Variants in RBFOX1 observed in about 807,000 individuals in gnomAD.
RBFOX1 encodes RNA binding fox-1 homolog 1.
A neutral mutation model predicts 57.7 loss-of-function variants in RBFOX1; 8 were observed. The observed-to-expected ratio is 0.14, with a 90% CI of 0.08 to 0.25. RBFOX1 has a LOEUF of 0.25. Among genes scored for constraint, RBFOX1 ranks in the 10% least tolerant of loss-of-function variants. RBFOX1 has a pLI of 1.00. For synonymous variants in RBFOX1, 326 were observed against 222.4 expected (o/e 1.47, Z -4.15); for missense variants, 611 against 548.5 (o/e 1.11, Z -1.14).
At chr16:6,676,675 T>C (rs2057761008) in intron 3 of RBFOX1, among the ~76,000 whole-genome samples, 3 of 53,536 alleles carry the variant, frequency 5.6e-5, no homozygotes, top group African/African-American at 1.3e-4. Flanking sequence ...TTTCTTTTCT[T>C]TTTTTTTTTT....
intron 4 of RBFOX1, among the ~76,000 whole-genome samples, chr16:7,297,868 TG>T (rs2095932290): frequency 6.6e-6 from 1 of 152,218 alleles, no homozygotes; most frequent in African/African-American, 2.4e-5. Flanking sequence ...AAGCATTTAT[TG>T]GATTGATTTA....
intron 3 of RBFOX1, among the ~76,000 whole-genome samples, chr16:6,695,601 T>TA (rs1455307565): frequency 6.6e-6 from 1 of 152,158 alleles, no homozygotes; most frequent in East Asian, 1.9e-4. Context: ...GCACTCTCAA[T>TA]ATATTTTCAC....
intron 3 of RBFOX1, among the ~76,000 whole-genome samples, chr16:5,622,394 G>A (rs1390949902): frequency 6.6e-6 from 1 of 152,202 alleles, no homozygotes; most frequent in Non-Finnish European, 1.5e-5. Flanking sequence ...AAGGAGTCTT[G>A]TGCACTGCCC....
At chr16:6,674,217 A>G (rs1568157402) in intron 3 of RBFOX1, among the ~76,000 whole-genome samples, 1 of 152,154 alleles carries the variant, frequency 6.6e-6, no homozygotes, top group Non-Finnish European at 1.5e-5. Flanking sequence ...GTGAATGTAA[A>G]TTTATTTAGA....
At chr16:6,061,690 T>C (rs1420883160) in intron 1 of RBFOX1, among the ~76,000 whole-genome samples, 2 of 152,114 alleles carry the variant, frequency 1.3e-5, no homozygotes, top group African/African-American at 4.8e-5. Context: ...GTACATAGAT[T>C]TAAGATATAC....
intron 4 of RBFOX1, among the ~76,000 whole-genome samples, chr16:7,238,303 T>C (rs1489628691): frequency 6.6e-6 from 1 of 151,520 alleles, no homozygotes; most frequent in Non-Finnish European, 1.5e-5. Flanking sequence ...TACTTAACAC[T>C]ACTCAACTGC....
intron 4 of RBFOX1, among the ~76,000 whole-genome samples, chr16:7,110,299 T>C (rs2064467910): frequency 6.6e-6 from 1 of 152,048 alleles, no homozygotes; most frequent in Non-Finnish European, 1.5e-5. Flanking sequence ...AGTTTCAGGC[T>C]GTGGTGAACT....
At chr16:7,298,229 G>C (rs1346825473) in intron 4 of RBFOX1, among the ~76,000 whole-genome samples, 1 of 151,182 alleles carries the variant, frequency 6.6e-6, no homozygotes, top group Non-Finnish European at 1.5e-5. Context: ...AGCAACATGG[G>C]GGTTAGAAGC....
intron 1 of RBFOX1, among the ~76,000 whole-genome samples, chr16:6,233,082 C>T (rs2152908231): frequency 6.6e-6 from 1 of 152,242 alleles, no homozygotes. Context: ...TTGTAGTTTA[C>T]TGAGGCAGGG....
chr16:5,550,228 G>T (rs1341915422), intron 2 of RBFOX1, among the ~76,000 whole-genome samples: 1 of 152,152 alleles, frequency 6.6e-6, no homozygotes, highest in Admixed American at 6.5e-5. Flanking sequence ...GACATTGTAG[G>T]GTAGGACTGA....
chr16:5,846,126 G>A (rs1264466880), intron 3 of RBFOX1, among the ~76,000 whole-genome samples: 3 of 151,676 alleles, frequency 2.0e-5, no homozygotes, highest in African/African-American at 7.3e-5. Context: ...AGGTTGCAGT[G>A]AGCCAAGATC....
chr16:7,131,633 G>A (rs1158840073), intron 4 of RBFOX1, among the ~76,000 whole-genome samples: 2 of 151,498 alleles, frequency 1.3e-5, no homozygotes, highest in African/African-American at 4.9e-5. Context: ...GCAGAGAGTT[G>A]GGCCCAGATG....
chr16:6,919,632 G>A (rs1018416772), intron 3 of RBFOX1, among the ~76,000 whole-genome samples: 4 of 152,096 alleles, frequency 2.6e-5, no homozygotes, highest in East Asian at 1.9e-4. Flanking sequence ...TGGAAATTCC[G>A]TCCTTTTTGT....
chr16:5,380,151 G>T (rs2066094945), intron 1 of RBFOX1, among the ~76,000 whole-genome samples: 1 of 152,208 alleles, frequency 6.6e-6, no homozygotes, highest in Admixed American at 6.5e-5. Context: ...GTCCTTGGCA[G>T]AGGCTCTGAT....
chr16:6,315,103 T>G (rs4786096), intron 1 of RBFOX1, among the ~76,000 whole-genome samples: 48,217 of 152,198 alleles, frequency 0.32, 8,103 homozygotes, highest in Middle Eastern at 0.41. Context: ...ACAATGCTAC[T>G]TGTTTTACAA....
chr16:6,729,070 G>T (rs1488625680), intron 3 of RBFOX1, among the ~76,000 whole-genome samples: 5 of 152,128 alleles, frequency 3.3e-5, no homozygotes, highest in Admixed American at 6.5e-5. Flanking sequence ...CATATTCCCA[G>T]TGGCCTCAGA....
chr16:5,959,105 A>C (rs960769871), intron 4 of RBFOX1, among the ~76,000 whole-genome samples: 1 of 152,204 alleles, frequency 6.6e-6, no homozygotes, highest in African/African-American at 2.4e-5. Flanking sequence ...GTTATGTGCT[A>C]CCTGTGGTTT....
At chr16:7,056,598 G>A (rs2052363690) in intron 4 of RBFOX1, among the ~76,000 whole-genome samples, 1 of 152,150 alleles carries the variant, frequency 6.6e-6, no homozygotes, top group Admixed American at 6.5e-5. Context: ...GATCCTGGGG[G>A]CCTGTTGTTT....
rs577121991 is a variant in RBFOX1, at chr16:6,768,462, C to T, written c.-16+113812C>T. On this transcript the variant is annotated intron_variant, in intron 3 of 15. Transcript: ENST00000550418. The stretch of plus-strand genomic sequence containing the variant: ...AGAGAGAGGGAAAATTCCCCCCCAG[C>T]CCACACAAGCCTTCTAAATGTACTT... 1.1e-3 allele frequency among the ~76,000 whole-genome samples: 160 copies of T among 151,914 alleles called. 2 individuals are homozygous for T. The highest frequency in any genetic ancestry group is 3.7e-3 in the African/African-American group (154 of 41,450).
Sources: gnomAD v4.1 joint callset for allele counts (sites outside exome capture counted in the v4.1 genomes callset) on GRCh38, gnomAD v4.1.1 for gene constraint, MANE v1.5 for transcripts, NCBI Gene and HGNC (gene_info 2026-07-23, HGNC 2026-07-21) for gene names.